Variants in FIG4 observed in about 807,000 individuals in gnomAD.
FIG4 encodes the protein FIG4 phosphoinositide 5-phosphatase, also known as polyphosphoinositide phosphatase.
Under a neutral mutation model 118.6 loss-of-function variants are expected in FIG4, and 112 were observed. That is an observed-to-expected ratio of 0.94 (90% CI 0.81 to 1.11). The LOEUF (loss-of-function observed/expected upper bound fraction) is 1.11. FIG4 is among the 50% of genes least tolerant of loss of function. FIG4 has a pLI of 0.00. For synonymous variants in FIG4, 369 were observed against 381.2 expected, an observed-to-expected ratio of 0.97 and a Z score of 0.37; for missense variants, 969 against 1,111.7, an observed-to-expected ratio of 0.87 and a Z score of 1.83.
At chr6:109,798,103 C>A (rs1778336133) in intron 22 of FIG4, among the ~76,000 whole-genome samples, 1 of 152,102 alleles carries the variant, frequency 6.6e-6, no homozygotes. Flanking sequence ...TCTGCAGGTT[C>A]TTAATTGATG....
intron 3 of FIG4, among the ~76,000 whole-genome samples, chr6:109,725,354 T>C (rs539606517): frequency 6.6e-6 from 1 of 152,296 alleles, no homozygotes; most frequent in Non-Finnish European, 1.5e-5. Flanking sequence ...ACATGCGGTA[T>C]TTGGTTTTCT....
At chr6:109,814,413 A>G (rs927307943) in intron 22 of FIG4, among the ~76,000 whole-genome samples, 2 of 151,454 alleles carry the variant, frequency 1.3e-5, no homozygotes, top group African/African-American at 4.8e-5. Context: ...AAGTGCTGGG[A>G]TTATAGGCTT....
chr6:109,728,962 C>T (rs1307274567), intron 4 of FIG4, among the ~76,000 whole-genome samples: 23 of 151,938 alleles, frequency 1.5e-4, no homozygotes, highest in Admixed American at 1.5e-3. Flanking sequence ...TGTAAATGGA[C>T]TTATTCAGAA....
intron 15 of FIG4, among the ~76,000 whole-genome samples, chr6:109,768,789 AAC>A (rs1324763580): frequency 6.6e-6 from 1 of 151,994 alleles, no homozygotes; most frequent in Non-Finnish European, 1.5e-5. Flanking sequence ...CCTGCCCACA[AAC>A]ACGGGGGAAA....
chr6:109,791,621 A>T, intron 20 of FIG4, 50 bp downstream of exon 20: 1 of 1,549,970 alleles, frequency 6.5e-7, no homozygotes, highest in South Asian at 1.1e-5. Context: ...CTGGAAAATG[A>T]TCTTTACAAC....
intron 15 of FIG4, among the ~76,000 whole-genome samples, chr6:109,772,731 G>GT (rs1777504832): frequency 1.3e-5 from 2 of 152,282 alleles, no homozygotes; most frequent in South Asian, 4.1e-4. Flanking sequence ...AGGATTACAG[G>GT]TGTGAGCCAC....
chr6:109,718,615 A>G lies in FIG4; in HGVS notation c.289+2047A>G, dbSNP rs1460553203. ...AGGGGAAGGTAAAGAGTAGTATAAC[A>G]TGACTGGTTTCTTCTCCTCAGGCCT... On this transcript the variant is annotated intron_variant, in intron 3 of 22. Coordinates refer to ENST00000230124, the MANE Select transcript of FIG4 (RefSeq NM_014845.6). 2.0e-5 allele frequency among the ~76,000 whole-genome samples: 3 copies of G among 152,150 alleles called. No individual in the cohort carries two copies. The East Asian group carries it at 5.8e-4, about 29-fold the overall frequency.
intron 10 of FIG4, among the ~76,000 whole-genome samples, chr6:109,758,212 A>G (rs962859081): frequency 6.6e-6 from 1 of 152,248 alleles, no homozygotes; most frequent in African/African-American, 2.4e-5. Flanking sequence ...AGACTATACT[A>G]CAAGGCTACA....
chr6:109,727,261 G>T lies in FIG4; in HGVS notation c.442G>T (p.Ala148Ser). ...DSVRVTHPDE[A>S]RYLRIFQNVD... ...TGTACGGGTTACTCATCCTGATGAA[G>T]CTAGGTATGTATGGTGGTAACTACC... The change falls in exon 4 of 23, where the codon GCT (alanine) becomes TCT (serine). Residue 148 changes from alanine to serine, a missense_variant. Around this residue, in one of 3 missense-constraint regions of FIG4, gnomAD observed 393 missense variants for 409.4 expected, o/e 0.96. Transcript: ENST00000230124. The T allele has an allele frequency of 6.2e-7, 1 of 1,609,172 alleles. No homozygotes were observed. Among genetic ancestry groups the T allele is most frequent in the East Asian group, 2.2e-5 (1 of 44,676 alleles).
At chr6:109,809,591 A>G (rs1778665986) in intron 22 of FIG4, among the ~76,000 whole-genome samples, 1 of 152,196 alleles carries the variant, frequency 6.6e-6, no homozygotes, top group African/African-American at 2.4e-5. Flanking sequence ...GTCAATATGC[A>G]TTACTAAGGC....
chr6:109,778,891 G>A (rs184637155), intron 16 of FIG4, among the ~76,000 whole-genome samples: 67 of 152,218 alleles, frequency 4.4e-4, no homozygotes, highest in East Asian at 2.5e-3. Flanking sequence ...GAGCCACCGC[G>A]CCCGGCTTCT....
intron 2 of FIG4, among the ~76,000 whole-genome samples, 163 bp from the exon 3 acceptor site, chr6:109,716,282 A>G (rs1440602750): frequency 6.6e-6 from 1 of 152,222 alleles, no homozygotes; most frequent in Admixed American, 6.5e-5. Flanking sequence ...AATGTTAAAG[A>G]ACTTGTTAGC....
chr6:109,746,015 C>T (rs1484852606), intron 10 of FIG4, among the ~76,000 whole-genome samples: 2 of 152,120 alleles, frequency 1.3e-5, no homozygotes, highest in Non-Finnish European at 2.9e-5. Flanking sequence ...TACAAGGCTA[C>T]AGTAAAGCAT....
At chr6:109,778,743 T>C (rs1008171551) in intron 16 of FIG4, among the ~76,000 whole-genome samples, 7 of 152,112 alleles carry the variant, frequency 4.6e-5, no homozygotes, top group Admixed American at 1.3e-4. Context: ...GGACTATGGG[T>C]GCCCACCACC....
At position 109,786,728 on chromosome 6, in the gene FIG4, C is replaced by T. The variant is rs936962220; in HGVS notation, c.2096+279C>T. Among the ~76,000 whole-genome samples, 5 of 152,218 alleles carry T rather than the reference C, an allele frequency of 3.3e-5. No individual in the cohort carries two copies. The South Asian group carries it at 1.0e-3, about 32-fold the overall frequency. ...ATTTGGAATAAACTCAGTTTTTTCA[C>T]TGAACATAGAAATTGAGAGTTGACA... On this transcript the variant is annotated intron_variant, in intron 18 of 22. Coordinates refer to ENST00000230124, the MANE Select transcript of FIG4 (RefSeq NM_014845.6).
intron 6 of FIG4, among the ~76,000 whole-genome samples, chr6:109,735,989 A>C (rs910100356): frequency 2.0e-5 from 3 of 151,934 alleles, no homozygotes; most frequent in East Asian, 3.9e-4. Flanking sequence ...CCTGGACTAA[A>C]CCAGTCACGC....
intron 4 of FIG4, among the ~76,000 whole-genome samples, chr6:109,729,871 C>A (rs1057413850): frequency 6.6e-6 from 1 of 151,604 alleles, no homozygotes; most frequent in African/African-American, 2.4e-5. Context: ...CAGTAACGAA[C>A]TAGAAAATGT....
chr6:109,722,986 G>T (rs553968066), intron 3 of FIG4, among the ~76,000 whole-genome samples: 1 of 55,018 alleles, frequency 1.8e-5, no homozygotes, highest in Non-Finnish European at 3.6e-5. Context: ...GCCCAGAGTA[G>T]ATATCCTGTC....
At chr6:109,801,005 C>T (rs1431574632) in intron 22 of FIG4, among the ~76,000 whole-genome samples, 1 of 152,096 alleles carries the variant, frequency 6.6e-6, no homozygotes, top group Non-Finnish European at 1.5e-5. Flanking sequence ...TCGTGCAAGA[C>T]CAACACGTTC....
Sources: gnomAD v4.1 joint callset for allele counts (sites outside exome capture counted in the v4.1 genomes callset) on GRCh38, gnomAD v4.1.1 for gene constraint, gnomAD v4.1.1 regional missense constraint, MANE v1.5 for transcripts, NCBI Gene and HGNC (gene_info 2026-07-23, HGNC 2026-07-21) for gene names.